Variants in IQGAP3 observed in about 807,000 individuals in gnomAD.
IQGAP3 encodes IQ motif containing GTPase activating protein 3.
Under a neutral mutation model 208.2 loss-of-function variants are expected in IQGAP3, and 165 were observed. The observed-to-expected ratio is 0.79, with a 90% CI of 0.70 to 0.90. The LOEUF (loss-of-function observed/expected upper bound fraction) is 0.90, where lower values mean the gene tolerates loss of function less well. Ranked by LOEUF, IQGAP3 falls within the 40% of genes least tolerant of loss-of-function variation. The pLI, the probability that IQGAP3 is intolerant of heterozygous loss-of-function variation, is 0.00. For missense variants in IQGAP3, 1,811 were observed against 2,043.1 expected, an observed-to-expected ratio of 0.89 and a Z score of 2.19; for synonymous variants, 703 against 803.6, an observed-to-expected ratio of 0.87 and a Z score of 2.12.
chr1:156,552,360 C>G (rs995473025), intron 13 of IQGAP3, among the ~76,000 whole-genome samples: 2 of 152,208 alleles, frequency 1.3e-5, no homozygotes, highest in Non-Finnish European at 2.9e-5. Context: ...AATCTCATGA[C>G]TTTAACACCA....
At chr1:156,534,790 C>G in intron 28 of IQGAP3, 57 bp from the exon 29 acceptor site, 1 of 1,279,218 alleles carries the variant, frequency 7.8e-7, no homozygotes, top group African/African-American at 1.5e-5. Context: ...ACTGGTGCGG[C>G]CCCACATTCT....
chr1:156,537,729 C>T (rs980466198), intron 26 of IQGAP3, among the ~76,000 whole-genome samples: 1 of 152,106 alleles, frequency 6.6e-6, no homozygotes, highest in African/African-American at 2.4e-5. Flanking sequence ...ATTGCCTGCT[C>T]GCCTCTGTGG....
rs1674568526 is a variant in IQGAP3, at chr1:156,534,161, G to A, written c.3741-20C>T. ...AACTTCCTGTCCAGAGGGCGGGCAT[G>A]TGAGAGAGCGGGGAGGGCCAGCACC... On this transcript the variant is annotated intron_variant, in intron 29 of 37. Transcript: ENST00000361170. 1 of 1,611,892 alleles carries A rather than the reference G, an allele frequency of 6.2e-7. No individual in the cohort carries two copies. Among genetic ancestry groups the A allele is most frequent in the South Asian group, 1.1e-5 (1 of 91,090 alleles).
chr1:156,548,530 A>G lies in IQGAP3; in HGVS notation c.1994-43T>C, dbSNP rs1203236728. The G allele has an allele frequency of 2.5e-6, 4 of 1,602,960 alleles. 1 individual carries two copies. In the East Asian group the frequency reaches 9.0e-5, roughly 36 times the overall value. On this transcript the variant is annotated intron_variant, in intron 17 of 37. Transcript: ENST00000361170. ...AAGCAGAAAAGGTTCAGAGCAGGCA[A>G]GGGGTGGCTGGGGCAGGCAGCGAAG... is the stretch of plus-strand genomic sequence containing the variant.
At chr1:156,527,925 T>C (rs1342073643) in intron 37 of IQGAP3, 27 bp downstream of exon 37, 1 of 1,514,854 alleles carries the variant, frequency 6.6e-7, no homozygotes, top group South Asian at 1.1e-5. Flanking sequence ...GCAGATGTCC[T>C]GCAGGCTCAT....
At chr1:156,535,014 G>A in intron 28 of IQGAP3, 149 bp downstream of exon 28, 1 of 725,316 alleles carries the variant, frequency 1.4e-6, no homozygotes, top group Non-Finnish European at 2.5e-6. Context: ...CTGCGGGTGA[G>A]CCAGGCTCCA....
chr1:156,536,012 T>C (rs1239605072), intron 27 of IQGAP3, among the ~76,000 whole-genome samples: 1 of 152,228 alleles, frequency 6.6e-6, no homozygotes, highest in Non-Finnish European at 1.5e-5. Context: ...CACCTACAAA[T>C]GTAATTAAAT....
intron 2 of IQGAP3, among the ~76,000 whole-genome samples, chr1:156,569,167 T>A (rs1676528754): frequency 1.3e-5 from 2 of 152,020 alleles, no homozygotes; most frequent in Non-Finnish European, 2.9e-5. Context: ...AACGTCCACA[T>A]ATTTTGGAGA....
In IQGAP3 at chr1:156,529,009, C is replaced by A; in HGVS notation, c.4478G>T (p.Gly1493Val). The A allele has an allele frequency of 6.2e-7, 1 of 1,614,194 alleles. No individual in the cohort carries two copies. Among genetic ancestry groups the A allele is most frequent in the Non-Finnish European group, 8.5e-7 (1 of 1,180,034 alleles). The change falls in exon 35 of 38, where the codon GGC becomes GTC. Residue 1493 changes from glycine (G) to valine (V), a missense_variant. Coordinates refer to ENST00000361170, the MANE Select transcript of IQGAP3 (RefSeq NM_178229.5). ...ELVKLQATLQ[G>V]LSTKTTFYEE... is the part of the protein sequence containing the mutation. ...ATAGAAGGTGGTCTTAGTGCTCAGG[C>A]CCTGTAATGTGGCCTGCAGCTTCAC...
chr1:156,529,995 G>T, intron 34 of IQGAP3, 110 bp downstream of exon 34: 1 of 765,290 alleles, frequency 1.3e-6, no homozygotes, highest in South Asian at 1.8e-5. Context: ...TGACAATTTT[G>T]GGTGAGGACT....
intron 25 of IQGAP3, 110 bp from the exon 26 acceptor site, chr1:156,539,143 C>A: frequency 1.0e-6 from 1 of 968,674 alleles, no homozygotes; most frequent in Non-Finnish European, 1.6e-6. Context: ...TGTCCCCGCT[C>A]TTAAGGAATG....
intron 3 of IQGAP3, 108 bp from the exon 4 acceptor site, chr1:156,566,212 C>A: frequency 1.6e-6 from 2 of 1,229,264 alleles, no homozygotes; most frequent in Non-Finnish European, 2.4e-6. Context: ...AGAGGGGAAC[C>A]AGAGGACCAC....
intron 1 of IQGAP3, among the ~76,000 whole-genome samples, chr1:156,570,867 T>C (rs558774517): frequency 2.3e-4 from 35 of 152,294 alleles, no homozygotes; most frequent in South Asian, 1.4e-3. Context: ...TAAGTATGAT[T>C]ATAGCCCATG....
In IQGAP3 at chr1:156,528,576, G is replaced by A. The variant is rs1674224308; in HGVS notation, c.4606C>T (p.His1536Tyr). The A allele has an allele frequency of 6.2e-7, 1 of 1,613,912 alleles. No individual in the cohort carries two copies. Among genetic ancestry groups the A allele is most frequent in the South Asian group, 1.1e-5 (1 of 91,066 alleles). Reference sequence around the variant, plus strand: ...TCCAGGAGCTGAGCAGCAGTGTAATGAAGAGAAGGCTGCTTCTTCCCCTTC... The same window carrying A: ...TCCAGGAGCTGAGCAGCAGTGTAATAAAGAGAAGGCTGCTTCTTCCCCTTC... ...SGKGKKQPSLHYTAAQLLEKG... is the reference protein window; with the variant it reads ...SGKGKKQPSLYYTAAQLLEKG... Residue 1536 changes from histidine to tyrosine, a missense_variant, in exon 36 of 38, where the codon CAT becomes TAT. Transcript: ENST00000361170.
chr1:156,563,810 C>T lies in IQGAP3; in HGVS notation c.452G>A (p.Arg151Gln), dbSNP rs371540662. 73 of 1,613,846 alleles carry T rather than the reference C, an allele frequency of 4.5e-5. No homozygotes were observed. Among genetic ancestry groups the T allele is most frequent in the African/African-American group, 1.7e-4 (13 of 74,994 alleles). The change falls in exon 6 of 38, where the codon CGG becomes CAG. Residue 151 changes from arginine to glutamine, a missense_variant. By Grantham distance (43) the Arg-to-Gln change is conservative. Transcript: ENST00000361170. ...CIHALSLFLFRLGLAPQIHDL... is the reference protein window; with the variant it reads ...CIHALSLFLFQLGLAPQIHDL... Reference sequence around the variant, plus strand: ...ATGTATCTGAGGGGCCAATCCCAGCCGGAAGAGGAAGAGACTAGGAAAAAA... The same window carrying T: ...ATGTATCTGAGGGGCCAATCCCAGCTGGAAGAGGAAGAGACTAGGAAAAAA...
chr1:156,562,504 T>G, intron 9 of IQGAP3, 83 bp downstream of exon 9: 130 of 1,124,632 alleles, frequency 1.2e-4, no homozygotes, highest in Middle Eastern at 2.1e-4. Context: ...CTTTCTGGCT[T>G]GAGAAAAGCT....
chr1:156,548,788 C>T lies in IQGAP3; in HGVS notation c.1826-40G>A, dbSNP rs749414241. On this transcript the variant is annotated intron_variant, in intron 16 of 37. Transcript: ENST00000361170. ...AGGAGAGAGCAGTCAATCCTTCCCC[C>T]GAGTCCCTCCCATGGGCCTTGGCCA... is the stretch of plus-strand genomic sequence containing the variant. The T allele has an allele frequency of 6.0e-6, 9 of 1,510,616 alleles. No homozygotes were observed. The African/African-American group carries it at 6.9e-5, about 12-fold the overall frequency. 93.6% of individuals were successfully genotyped at this position (1,510,616 alleles called of 1,614,324 possible). A position where few individuals can be genotyped will look rare whatever the true frequency, so the allele number is the denominator to read the frequency against.
At chr1:156,561,799 T>TC in intron 10 of IQGAP3, 39 bp downstream of exon 10, 1 of 1,602,018 alleles carries the variant, frequency 6.2e-7, no homozygotes, top group Non-Finnish European at 8.5e-7. Flanking sequence ...TATCCTATAG[T>TC]CACATACAGG....
At chr1:156,561,301 G>A (rs529772212) in intron 10 of IQGAP3, among the ~76,000 whole-genome samples, 3 of 152,134 alleles carry the variant, frequency 2.0e-5, no homozygotes, top group Admixed American at 6.5e-5. Context: ...CCAAGTAGCT[G>A]GGATTACAAG....
Sources: allele counts gnomAD v4.1 joint callset (sites outside exome capture counted in the v4.1 genomes callset), GRCh38; gene constraint gnomAD v4.1.1; transcripts MANE v1.5; gene names NCBI Gene and HGNC (gene_info 2026-07-23, HGNC 2026-07-21).